Variants in UBASH3B observed in about 807,000 individuals in gnomAD.
The protein encoded by UBASH3B is ubiquitin associated and SH3 domain containing B.
In UBASH3B, 37 loss-of-function variants were observed where a neutral mutation model predicts 83.4. That is an observed-to-expected ratio of 0.44 (90% CI 0.34 to 0.58). The LOEUF (loss-of-function observed/expected upper bound fraction) is 0.58. Ranked by LOEUF, UBASH3B falls within the 20% of genes least tolerant of loss-of-function variation. The probability of loss-of-function intolerance (pLI) is 0.01; values close to 1 mark genes in which losing one functional copy is unlikely to be tolerated. For synonymous variants in UBASH3B, 304 were observed against 318.3 expected (o/e 0.96, Z 0.48); for missense variants, 657 against 827.2 (o/e 0.79, Z 2.52).
At chr11:122,707,812 C>T (rs1353186640) in intron 1 of UBASH3B, among the ~76,000 whole-genome samples, 1 of 152,054 alleles carries the variant, frequency 6.6e-6, no homozygotes, top group Admixed American at 6.6e-5. Context: ...GATTCTTCTG[C>T]CACAGCCGAG....
rs754805733 is a variant in UBASH3B, at chr11:122,796,940, C to G, written c.1264C>G (p.Pro422Ala). 6.2e-7 allele frequency: 1 copy of G among 1,614,036 alleles called. No individual in the cohort carries two copies. The highest frequency in any genetic ancestry group is 1.1e-5 in the South Asian group (1 of 91,064). ...CTACATACGCACCAACCTGAACATGCCTCATAGTTTACCTCAGCGGAGTGG... is the reference window on the plus strand; with the variant it reads ...CTACATACGCACCAACCTGAACATGGCTCATAGTTTACCTCAGCGGAGTGG... The part of the protein sequence containing the change: ...GRYIRTNLNM[P>A]HSLPQRSGGF... Residue 422 changes from proline to alanine, a missense_variant, in exon 9 of 14, where the codon CCT becomes GCT. This residue lies in a region of UBASH3B where 573 missense variants were observed against 739.0 expected (regional missense o/e 0.78). Transcript: ENST00000284273.
intron 5 of UBASH3B, among the ~76,000 whole-genome samples, chr11:122,784,381 C>A (rs980413185): frequency 2.6e-5 from 4 of 152,090 alleles, no homozygotes; most frequent in African/African-American, 9.7e-5. Context: ...ACATCATAGC[C>A]AGGCATGGTG....
At chr11:122,690,863 G>A (rs1472107912) in intron 1 of UBASH3B, among the ~76,000 whole-genome samples, 10 of 152,152 alleles carry the variant, frequency 6.6e-5, no homozygotes, top group South Asian at 4.1e-4. Flanking sequence ...GTCATCTTGC[G>A]CTCTGTAATA....
chr11:122,771,539 C>A (rs546726378), intron 1 of UBASH3B, among the ~76,000 whole-genome samples: 1 of 152,186 alleles, frequency 6.6e-6, no homozygotes, highest in African/African-American at 2.4e-5. Context: ...CCGTGTCCAG[C>A]CTCTTACTTA....
At chr11:122,772,577 G>A (rs1420653476) in intron 1 of UBASH3B, among the ~76,000 whole-genome samples, 1 of 152,134 alleles carries the variant, frequency 6.6e-6, no homozygotes, top group Non-Finnish European at 1.5e-5. Context: ...ACAGGAAAGC[G>A]ACTTTTCCTT....
chr11:122,694,580 T>G (rs1384173297), intron 1 of UBASH3B, among the ~76,000 whole-genome samples: 4 of 151,962 alleles, frequency 2.6e-5, no homozygotes, highest in Admixed American at 2.0e-4. Context: ...CTAAAAAAAC[T>G]TGGAAGGAAG....
At chr11:122,765,015 A>G (rs1262481984) in intron 1 of UBASH3B, among the ~76,000 whole-genome samples, 1 of 98,404 alleles carries the variant, frequency 1.0e-5, no homozygotes, top group Non-Finnish European at 1.9e-5. Flanking sequence ...TGCTGCATAG[A>G]AAAAAAAAAA....
intron 5 of UBASH3B, among the ~76,000 whole-genome samples, chr11:122,784,998 C>A (rs1168014819): frequency 6.6e-6 from 1 of 152,094 alleles, no homozygotes; most frequent in East Asian, 1.9e-4. Flanking sequence ...AAAAAAAAGT[C>A]AAGGGTTGCG....
In UBASH3B at chr11:122,758,552, C is replaced by T. The variant is rs1308625596; in HGVS notation, c.162-17667C>T. On this transcript the variant is annotated intron_variant, in intron 1 of 13. Coordinates refer to ENST00000284273, the MANE Select transcript of UBASH3B (RefSeq NM_032873.5). The surrounding 1 kb of genome is among the most constrained non-coding windows in gnomAD (Gnocchi z 4.2). ...GGGGCACCCAGTGGCCGTAGAACACCGACCCTGTGCCAAACTCAGAGCTAA... is the reference window on the plus strand; with the variant it reads ...GGGGCACCCAGTGGCCGTAGAACACTGACCCTGTGCCAAACTCAGAGCTAA... Among the ~76,000 whole-genome samples, 2 of 152,180 alleles carry T rather than the reference C, an allele frequency of 1.3e-5. No homozygotes were observed. Among genetic ancestry groups the T allele is most frequent in the Non-Finnish European group, 2.9e-5 (2 of 68,036 alleles).
intron 1 of UBASH3B, among the ~76,000 whole-genome samples, chr11:122,701,249 A>G (rs945056954): frequency 1.3e-5 from 2 of 152,226 alleles, no homozygotes; most frequent in Non-Finnish European, 2.9e-5. Flanking sequence ...AAGAAACAAA[A>G]AGACAGTAGG....
intron 1 of UBASH3B, among the ~76,000 whole-genome samples, chr11:122,683,716 C>G (rs1243435833): frequency 6.7e-6 from 1 of 149,470 alleles, no homozygotes; most frequent in Non-Finnish European, 1.5e-5. Context: ...ATCACATATC[C>G]TCAATTGCCT....
intron 1 of UBASH3B, among the ~76,000 whole-genome samples, chr11:122,739,641 A>C (rs180996049): frequency 4.6e-4 from 70 of 152,322 alleles, no homozygotes; most frequent in African/African-American, 1.6e-3. Flanking sequence ...GCAATACTGA[A>C]GGAAAAAACA....
chr11:122,689,930 C>T (rs1039326601), intron 1 of UBASH3B, among the ~76,000 whole-genome samples: 2 of 151,860 alleles, frequency 1.3e-5, no homozygotes, highest in Non-Finnish European at 2.9e-5. Context: ...TCCACGGCCT[C>T]CCCTGGCGCC....
At chr11:122,739,493 T>C (rs572688447) in intron 1 of UBASH3B, among the ~76,000 whole-genome samples, 6 of 152,212 alleles carry the variant, frequency 3.9e-5, no homozygotes, top group Non-Finnish European at 7.3e-5. Flanking sequence ...CCTACTATAG[T>C]GCTTGGCATA....
chr11:122,729,795 C>CAAAAAAAAAAAAAAA (rs71054092), intron 1 of UBASH3B, among the ~76,000 whole-genome samples: 1 of 40,882 alleles, frequency 2.4e-5, no homozygotes, highest in African/African-American at 1.0e-4. Flanking sequence ...CCTATCTCTA[C>CAAAAAAAAAAAAAAA]AAAAAAAAAA....
chr11:122,669,874 C>T (rs1863570503), intron 1 of UBASH3B, among the ~76,000 whole-genome samples: 1 of 152,190 alleles, frequency 6.6e-6, no homozygotes, highest in Non-Finnish European at 1.5e-5. Context: ...ATGCAAATCC[C>T]AGGCAATCAA....
Position 122,764,279 on chromosome 11 carries a change from A to G in UBASH3B, c.162-11940A>G, listed in dbSNP as rs148160273. 2.8e-3 allele frequency among the ~76,000 whole-genome samples: 421 copies of G among 152,358 alleles called. 1 individual carries two copies. Among genetic ancestry groups the G allele is most frequent in the African/African-American group, 9.8e-3 (407 of 41,602 alleles). On this transcript the variant is annotated intron_variant, in intron 1 of 13. Coordinates refer to ENST00000284273, the MANE Select transcript of UBASH3B (RefSeq NM_032873.5). ...ATGGTCCTAAGATCCTTTGCAGCCA[A>G]GGAATCACTATCACTTACGGTTGTT...
chr11:122,789,460 G>A (rs962667602), intron 6 of UBASH3B, 152 bp downstream of exon 6: 13 of 824,662 alleles, frequency 1.6e-5, no homozygotes, highest in South Asian at 3.4e-5. Context: ...GAGGCATGGG[G>A]AAAATGCGAA....
chr11:122,695,303 C>A lies in UBASH3B; in HGVS notation c.161+39093C>A, dbSNP rs80224866. 9.8e-3 allele frequency among the ~76,000 whole-genome samples: 1,495 copies of A among 152,298 alleles called. 23 individuals are homozygous for A. The highest frequency in any genetic ancestry group is 0.032 in the African/African-American group (1,337 of 41,558). ...AAAATTCAAAACCTTGCATTTATTT[C>A]TTCTATCCACTCCTGTCATCACTCA... On this transcript the variant is annotated intron_variant, in intron 1 of 13. Transcript: ENST00000284273.
Sources: allele counts gnomAD v4.1 joint callset (sites outside exome capture counted in the v4.1 genomes callset), GRCh38; gene constraint gnomAD v4.1.1; regional missense constraint gnomAD v4.1.1; non-coding constraint Gnocchi (gnomAD v3.1); transcripts MANE v1.5; gene names NCBI Gene and HGNC (gene_info 2026-07-23, HGNC 2026-07-21).